Variants in AFF1 observed in about 807,000 individuals in gnomAD.
The protein encoded by AFF1 is ALF transcription elongation factor 1.
AFF1 carries 48 observed loss-of-function variants against 121.7 expected under a neutral mutation model. The observed-to-expected ratio is 0.39, with a 90% confidence interval of 0.31 to 0.50. The LOEUF (loss-of-function observed/expected upper bound fraction) is 0.50, where lower values mean the gene tolerates loss of function less well. AFF1 is among the 20% of genes least tolerant of loss of function. The pLI is 0.76. For missense variants in AFF1, 1,523 were observed against 1,511.7 expected (o/e 1.01, Z -0.12); for synonymous variants, 613 against 563.0 (o/e 1.09, Z -1.26).
intron 11 of AFF1, 107 bp from the exon 12 acceptor site, chr4:87,114,260 G>A: frequency 2.1e-6 from 2 of 970,976 alleles, no homozygotes; most frequent in Admixed American, 6.7e-5. Context: ...GGGTTTGGAA[G>A]TATTTGCTCC....
chr4:86,992,618 G>A (rs955557792), intron 2 of AFF1, among the ~76,000 whole-genome samples: 8 of 152,162 alleles, frequency 5.3e-5, no homozygotes, highest in Admixed American at 1.3e-4. Context: ...AAGTCTGTCA[G>A]TTGGGAGCAT....
chr4:87,131,399 A>G (rs1364931307), intron 17 of AFF1, among the ~76,000 whole-genome samples, 180 bp downstream of exon 17: 2 of 152,274 alleles, frequency 1.3e-5, no homozygotes, highest in South Asian at 2.1e-4. Flanking sequence ...CTAGCACAGA[A>G]TAACTGGGTC....
At chr4:87,084,008 A>T (rs758714265) in intron 4 of AFF1, 112 bp from the exon 5 acceptor site, 1 of 917,890 alleles carries the variant, frequency 1.1e-6, no homozygotes, top group Non-Finnish European at 1.8e-6. Flanking sequence ...ATACTTAGCT[A>T]GTAGAAGGTA....
chr4:86,992,772 TAA>T (rs1432180126), intron 2 of AFF1, among the ~76,000 whole-genome samples: 3 of 152,234 alleles, frequency 2.0e-5, no homozygotes, highest in African/African-American at 4.8e-5. Context: ...AATGAATTCT[TAA>T]ACATGATGTA....
At chr4:87,055,559 C>G (rs902323968) in intron 4 of AFF1, among the ~76,000 whole-genome samples, 3 of 152,210 alleles carry the variant, frequency 2.0e-5, no homozygotes, top group African/African-American at 7.2e-5. Flanking sequence ...AGACATTCAA[C>G]TCTTTTGAAT....
chr4:87,062,422 C>T (rs1476187483), intron 4 of AFF1, among the ~76,000 whole-genome samples: 2 of 152,140 alleles, frequency 1.3e-5, no homozygotes, highest in African/African-American at 4.8e-5. Context: ...CCCGGTAGCC[C>T]TGCCTCTTAA....
intron 4 of AFF1, among the ~76,000 whole-genome samples, chr4:87,066,053 A>T (rs1721319799): frequency 6.6e-6 from 1 of 152,216 alleles, no homozygotes; most frequent in Non-Finnish European, 1.5e-5. Flanking sequence ...CACAGGGTTC[A>T]TGGAGATTTC....
At chr4:87,007,282 A>C in intron 2 of AFF1, 1 of 1,560,016 alleles carries the variant, frequency 6.4e-7, no homozygotes. Context: ...GTCCCGTAAC[A>C]TCGGGGCGCC....
intron 2 of AFF1, among the ~76,000 whole-genome samples, chr4:87,036,289 T>C (rs1729556679): frequency 6.6e-6 from 1 of 152,190 alleles, no homozygotes; most frequent in Non-Finnish European, 1.5e-5. Context: ...TCTCAGGGAC[T>C]GAATTTTCTG....
intron 4 of AFF1, among the ~76,000 whole-genome samples, chr4:87,049,299 G>A (rs1731041358): frequency 6.6e-6 from 1 of 152,136 alleles, no homozygotes; most frequent in African/African-American, 2.4e-5. Context: ...CTACACTTAT[G>A]AAACAATTAG....
In AFF1 at chr4:87,072,271, G is replaced by A. The variant is rs982285509; in HGVS notation, c.1060-11849G>A. Among the ~76,000 whole-genome samples the A allele has an allele frequency of 2.0e-5, 3 of 150,598 alleles. No homozygotes were observed. The Admixed American group carries it at 2.0e-4, about 10-fold the overall frequency. On this transcript the variant is annotated intron_variant, in intron 4 of 20. Transcript: ENST00000395146. Reference sequence around the variant, plus strand: ...CCAGCTACTCAGGAGTCTGAGGCAGGAGAATGGCGTGAACCCGGGAGGCGG... The same window carrying A: ...CCAGCTACTCAGGAGTCTGAGGCAGAAGAATGGCGTGAACCCGGGAGGCGG...
chr4:87,063,342 C>T (rs189671414), intron 4 of AFF1, among the ~76,000 whole-genome samples: 2 of 143,514 alleles, frequency 1.4e-5, no homozygotes, highest in African/African-American at 5.2e-5. Context: ...CAGGTTCAAG[C>T]GATTCTCCTG....
At chr4:86,979,066 GA>G (rs902248659) in intron 2 of AFF1, among the ~76,000 whole-genome samples, 3 of 152,008 alleles carry the variant, frequency 2.0e-5, no homozygotes, top group African/African-American at 7.2e-5. Context: ...CAAACCACTG[GA>G]ATCACTGAAT....
intron 2 of AFF1, among the ~76,000 whole-genome samples, chr4:86,983,210 A>T (rs1723913654): frequency 6.6e-6 from 1 of 151,908 alleles, no homozygotes; most frequent in Non-Finnish European, 1.5e-5. Flanking sequence ...GGCCAACATG[A>T]TGAAACCCTC....
intron 2 of AFF1, among the ~76,000 whole-genome samples, chr4:87,027,611 T>C (rs1054170173): frequency 4.6e-5 from 7 of 152,184 alleles, no homozygotes; most frequent in African/African-American, 1.7e-4. Context: ...TTTAATAGTT[T>C]ATTCTTGTGG....
In AFF1 at chr4:87,114,901, C is replaced by G; in HGVS notation, c.2068C>G (p.Leu690Val). 2 of 1,612,754 alleles carry G rather than the reference C, an allele frequency of 1.2e-6. No homozygotes were observed. Among genetic ancestry groups the G allele is most frequent in the Non-Finnish European group, 1.7e-6 (2 of 1,179,458 alleles). Residue 690 changes from leucine to valine, a missense_variant, in exon 12 of 21, where the codon CTC becomes GTC. Leu to Val is a conservative substitution (Grantham distance 32). Around this residue, in one of 5 missense-constraint regions of AFF1, gnomAD observed 905 missense variants for 842.5 expected, o/e 1.07. Transcript: ENST00000395146. ...KSSLPAPSKA[L>V]SGPEPAKDNV... ...CTCCCTCCCTGCCCCCTCTAAGGCT[C>G]TCTCAGGCCCAGAACCCGCGAAGGA...
intron 6 of AFF1, 108 bp downstream of exon 6, chr4:87,090,178 G>A (rs1578229061): frequency 1.1e-6 from 1 of 891,688 alleles, no homozygotes; most frequent in Non-Finnish European, 1.7e-6. Flanking sequence ...CTTTGGAAAT[G>A]AGGTTAAAAT....
At chr4:86,969,706 C>A (rs1722792607) in intron 2 of AFF1, among the ~76,000 whole-genome samples, 1 of 150,988 alleles carries the variant, frequency 6.6e-6, no homozygotes, top group African/African-American at 2.4e-5. Flanking sequence ...CGGTGAAACC[C>A]CGTCTCTACT....
chr4:87,028,281 T>C (rs1330410303), intron 2 of AFF1, among the ~76,000 whole-genome samples: 3 of 152,146 alleles, frequency 2.0e-5, no homozygotes, highest in African/African-American at 4.8e-5. Context: ...TTGTATATCA[T>C]TAAAGTTCAG....
Sources: gnomAD v4.1 joint callset for allele counts (sites outside exome capture counted in the v4.1 genomes callset) on GRCh38, gnomAD v4.1.1 for gene constraint, gnomAD v4.1.1 regional missense constraint, MANE v1.5 for transcripts, NCBI Gene and HGNC (gene_info 2026-07-23, HGNC 2026-07-21) for gene names.